Variants in KMT2E observed in about 807,000 individuals in gnomAD.
KMT2E encodes lysine methyltransferase 2E (inactive).
In KMT2E, 30 loss-of-function variants were observed where a neutral mutation model predicts 184.6. The ratio of observed to expected loss-of-function variants is 0.16; its 90% CI spans 0.12 to 0.22. KMT2E has a LOEUF of 0.22. Among genes scored for constraint, KMT2E ranks in the 10% least tolerant of loss-of-function variants. The pLI is 1.00. For synonymous variants in KMT2E, 815 were observed against 776.5 expected (o/e 1.05, Z -0.82); for missense variants, 2,023 against 2,237.4 (o/e 0.90, Z 1.93).
At position 105,107,755 on chromosome 7, in the gene KMT2E, C is replaced by G; in HGVS notation, c.3298C>G (p.Arg1100Gly). 2 of 1,614,014 alleles carry G rather than the reference C, an allele frequency of 1.2e-6. No homozygotes were observed. The highest frequency in any genetic ancestry group is 1.7e-6 in the Non-Finnish European group (2 of 1,180,010). ...SHQLEVGGGF[R>G]ISESKCLMQD... Reference sequence around the variant, plus strand: ...TCAGTTGGAGGTTGGAGGAGGCTTCCGAATAAGTGAGTCAAAGTGCCTGAT... The same window carrying G: ...TCAGTTGGAGGTTGGAGGAGGCTTCGGAATAAGTGAGTCAAAGTGCCTGAT... Residue 1100 changes from arginine to glycine, a missense_variant, in exon 22 of 27, where the codon CGA (arginine) becomes GGA (glycine). Coordinates refer to ENST00000311117, the MANE Select transcript of KMT2E (RefSeq NM_182931.3).
At chr7:105,026,811 G>A (rs1795193788) in intron 1 of KMT2E, among the ~76,000 whole-genome samples, 1 of 152,130 alleles carries the variant, frequency 6.6e-6, no homozygotes, top group African/African-American at 2.4e-5. Flanking sequence ...TTGATCTACA[G>A]TGATAGTGGA....
chr7:105,110,136 A>T (rs977317289), intron 23 of KMT2E, 144 bp from the exon 24 acceptor site: 12 of 690,198 alleles, frequency 1.7e-5, no homozygotes, highest in Non-Finnish European at 3.0e-5. Context: ...CCCTGCCAAG[A>T]TTAACTATTT....
In KMT2E at chr7:105,090,249, G is replaced by A; in HGVS notation, c.1599G>A (p.Leu533=). 2.5e-6 allele frequency: 4 copies of A among 1,597,734 alleles called. No individual in the cohort carries two copies. The highest frequency in any genetic ancestry group is 3.4e-6 in the Non-Finnish European group (4 of 1,176,000). Residue 533 remains leucine (L), a synonymous_variant, in exon 14 of 27, where the codon CTG becomes CTA. Coordinates refer to ENST00000311117, the MANE Select transcript of KMT2E (RefSeq NM_182931.3). ...CTAAACAAAGAAAGCTTTCTCCACTGAGACTATCAGTATCAAATAATCAGG... is the reference window on the plus strand; with the variant it reads ...CTAAACAAAGAAAGCTTTCTCCACTAAGACTATCAGTATCAAATAATCAGG... ...PETKQRKLSP[L]RLSVSNNQEP...
intron 5 of KMT2E, 87 bp downstream of exon 5, chr7:105,063,667 A>G (rs556350972): frequency 2.3e-6 from 2 of 880,384 alleles, no homozygotes; most frequent in African/African-American, 1.7e-5. Flanking sequence ...GTCACTTTCA[A>G]GGGAATTAAT....
At chr7:105,062,123 A>G (rs771742001) in intron 3 of KMT2E, 41 bp from the exon 4 acceptor site, 9 of 1,277,016 alleles carry the variant, frequency 7.0e-6, no homozygotes, top group Non-Finnish European at 9.1e-6. Context: ...AGAGGAAAAA[A>G]AAAGAATGGA....
At chr7:105,023,727 G>A (rs1584689228) in intron 1 of KMT2E, among the ~76,000 whole-genome samples, 1 of 152,116 alleles carries the variant, frequency 6.6e-6, no homozygotes, top group Non-Finnish European at 1.5e-5. Context: ...TTACAGGCTT[G>A]AGCCACTGTG....
intron 1 of KMT2E, among the ~76,000 whole-genome samples, chr7:105,035,163 T>C (rs1795590482): frequency 6.6e-6 from 1 of 151,664 alleles, no homozygotes. Flanking sequence ...TAGCTGGGAC[T>C]ACAGGCGCCC....
intron 3 of KMT2E, among the ~76,000 whole-genome samples, chr7:105,058,691 GT>G (rs1240265213): frequency 6.6e-6 from 1 of 152,124 alleles, no homozygotes; most frequent in Non-Finnish European, 1.5e-5. Context: ...ACAAATTATG[GT>G]GGTTTTGACC....
chr7:105,056,472 T>A (rs1056722862), intron 3 of KMT2E, among the ~76,000 whole-genome samples: 16 of 152,342 alleles, frequency 1.1e-4, no homozygotes, highest in African/African-American at 3.4e-4. Context: ...ACTTGAAGAT[T>A]CCACCTGCCA....
In KMT2E at chr7:105,062,381, TG is replaced by T. The variant is rs1796852899; in HGVS notation, c.186+104del. ...AAACGGCATGTTTGAAAAGCATGGTTGTTTCATACTATCAAAATAATTAGGC... is the reference window on the plus strand; with the variant it reads ...AAACGGCATGTTTGAAAAGCATGGTTTTTCATACTATCAAAATAATTAGGC... On this transcript the variant is annotated intron_variant, in intron 4 of 26. Transcript: ENST00000311117. 9.5e-6 allele frequency: 6 copies of T among 630,920 alleles called. No individual in the cohort carries two copies. The African/African-American group carries it at 1.1e-4, about 12-fold the overall frequency. 39.1% of individuals were successfully genotyped at this position (630,920 alleles called of 1,614,324 possible).
At chr7:105,099,133 C>G (rs1055946565) in intron 15 of KMT2E, among the ~76,000 whole-genome samples, 4 of 152,172 alleles carry the variant, frequency 2.6e-5, no homozygotes, top group African/African-American at 9.7e-5. Context: ...TGTAGAAAAT[C>G]AGGCACGTTT....
intron 12 of KMT2E, 110 bp downstream of exon 12, chr7:105,079,073 G>T (rs1584768506): frequency 4.8e-6 from 3 of 625,532 alleles, no homozygotes; most frequent in Non-Finnish European, 8.8e-6. Context: ...CCACCTGTTG[G>T]TGCATTTTAT....
intron 6 of KMT2E, among the ~76,000 whole-genome samples, chr7:105,069,628 A>C (rs1226636244): frequency 6.6e-6 from 1 of 152,214 alleles, no homozygotes; most frequent in Non-Finnish European, 1.5e-5. Context: ...AAATGTTCTG[A>C]GTTGTAGATT....
chr7:105,100,476 G>A (rs1554399157), intron 15 of KMT2E, among the ~76,000 whole-genome samples: 2 of 152,258 alleles, frequency 1.3e-5, no homozygotes, highest in South Asian at 4.1e-4. Flanking sequence ...AGGACCTGTG[G>A]TTCTTTTCAT....
At chr7:105,100,428 G>A (rs542676942) in intron 15 of KMT2E, among the ~76,000 whole-genome samples, 1 of 152,160 alleles carries the variant, frequency 6.6e-6, no homozygotes, top group Non-Finnish European at 1.5e-5. Flanking sequence ...TCACATCGAT[G>A]TGTAATAAAG....
chr7:105,110,152 G>T, intron 23 of KMT2E, 128 bp from the exon 24 acceptor site: 1 of 764,018 alleles, frequency 1.3e-6, no homozygotes. Context: ...TATTTTCAAA[G>T]GTTAACACCA....
At position 105,091,222 on chromosome 7, in the gene KMT2E, G is replaced by T. The variant is rs1233254753; in HGVS notation, c.1630G>T (p.Asp544Tyr). 1.3e-6 allele frequency: 2 copies of T among 1,492,350 alleles called. No individual in the cohort carries two copies. The highest frequency in any genetic ancestry group is 3.5e-5 in the Admixed American group (2 of 57,886). 92.4% of individuals were successfully genotyped at this position (1,492,350 alleles called of 1,614,324 possible). The change falls in exon 15 of 27, where the codon GAT becomes TAT. Residue 544 changes from aspartate to tyrosine, a missense_variant. Transcript: ENST00000311117. Reference protein sequence around the residue: ...RLSVSNNQEPDFIDDIEEKTP... With the variant: ...RLSVSNNQEPYFIDDIEEKTP... ...AGTCATTTCCATTTTTCAGGAACCA[G>T]ATTTTATTGATGATATAGAAGAAAA... is the stretch of plus-strand genomic sequence containing the variant.
chr7:105,083,285 T>C (rs895293319), intron 13 of KMT2E, among the ~76,000 whole-genome samples: 7 of 152,230 alleles, frequency 4.6e-5, no homozygotes, highest in African/African-American at 4.8e-5. Flanking sequence ...TTCTTTTCCA[T>C]AGAGTACTGT....
At position 105,105,953 on chromosome 7, in the gene KMT2E, A is replaced by G. The variant is rs140167666; in HGVS notation, c.2546A>G (p.Asn849Ser). The G allele has an allele frequency of 8.7e-6, 14 of 1,613,324 alleles. No individual in the cohort carries two copies. In the Admixed American group the frequency reaches 1.2e-4, roughly 13 times the overall value. ...CQERSRSPAV[N>S]GENKSPLLLN... is the part of the protein sequence containing the mutation. ...GAAAGATCCAGAAGTCCTGCAGTCA[A>G]TGGTGAAAATAAAAGTCCACTACTA... is the stretch of plus-strand genomic sequence containing the variant. Residue 849 changes from asparagine to serine, a missense_variant, in exon 19 of 27, where the codon AAT becomes AGT. Asn to Ser is a conservative substitution (Grantham distance 46). Transcript: ENST00000311117.
Sources: gnomAD v4.1 joint callset for allele counts (sites outside exome capture counted in the v4.1 genomes callset) on GRCh38, gnomAD v4.1.1 for gene constraint, MANE v1.5 for transcripts, NCBI Gene and HGNC (gene_info 2026-07-23, HGNC 2026-07-21) for gene names.